Variants in DHRS12 observed in about 807,000 individuals in gnomAD.
DHRS12 encodes dehydrogenase/reductase 12.
DHRS12 carries 29 observed loss-of-function variants against 32.1 expected under a neutral mutation model. That is an observed-to-expected ratio of 0.90 (90% CI 0.67 to 1.23). The LOEUF (loss-of-function observed/expected upper bound fraction) is 1.23. Among genes scored for constraint, DHRS12 ranks in the 50% most tolerant of loss-of-function variants. The probability of loss-of-function intolerance (pLI) is 0.00; values close to 1 mark genes in which losing one functional copy is unlikely to be tolerated. For missense variants in DHRS12, 330 were observed against 337.2 expected (o/e 0.98, Z 0.17); for synonymous variants, 150 against 135.9 (o/e 1.10, Z -0.72).
the DHRS12 span, among the ~76,000 whole-genome samples, chr13:51,756,927 C>T: frequency 6.6e-6 from 1 of 152,202 alleles, no homozygotes; most frequent in Non-Finnish European, 1.5e-5. Context: ...CAGCTGGCTG[C>T]TTGTCAGACC....
rs2139512503 is a variant in DHRS12, at chr13:51,804,036, C to T, written c.-9+18G>A. 2 of 1,467,914 alleles carry T rather than the reference C, an allele frequency of 1.4e-6. No individual in the cohort carries two copies. The highest frequency in any genetic ancestry group is 1.8e-6 in the Non-Finnish European group (2 of 1,115,712). The allele number at this position is 1,467,914 out of a possible 1,614,324, so 90.9% of individuals were successfully genotyped here. A position where few individuals can be genotyped will look rare whatever the true frequency, so the allele number is the denominator to read the frequency against. ...CACGTGACAGCCCGGGGCCCCGCGC[C>T]CCGCCGCGCCGCCTTACTTGGTGTA... On this transcript the variant is annotated intron_variant, in intron 1 of 8. Transcript: ENST00000444610.
intron 2 of DHRS12, among the ~76,000 whole-genome samples, chr13:51,791,755 A>G (rs1487144060): frequency 6.6e-6 from 1 of 152,030 alleles, no homozygotes; most frequent in Non-Finnish European, 1.5e-5. Flanking sequence ...GTAACTCCAC[A>G]TTTCTCCTTT....
chr13:51,759,459 T>G, the DHRS12 span, among the ~76,000 whole-genome samples: 1 of 152,256 alleles, frequency 6.6e-6, no homozygotes, highest in African/African-American at 2.4e-5. Context: ...CAGGAGGATC[T>G]GCAGTGTAGC....
intron 2 of DHRS12, among the ~76,000 whole-genome samples, chr13:51,795,794 TGCCATTGGCCAAACCCA>T (rs1955489309): frequency 1.3e-5 from 2 of 152,296 alleles, no homozygotes; most frequent in South Asian, 4.1e-4. Context: ...CTCTAGTAAC[TGCCATTGGCCAAACCCA>T]GCCAAAAGCT....
In DHRS12 at chr13:51,769,313, G is replaced by A. The variant is rs1399016111; in HGVS notation, c.560-20C>T. On this transcript the variant is annotated intron_variant, in intron 7 of 8. Transcript: ENST00000444610. The stretch of plus-strand genomic sequence containing the variant: ...TCACACCTGGGAGAAGGAAGGGTCA[G>A]GCGGATTAGGACAGCATTCTCCAGC... The A allele has an allele frequency of 6.6e-7, 1 of 1,526,566 alleles. No homozygotes were observed. Among genetic ancestry groups the A allele is most frequent in the East Asian group, 2.4e-5 (1 of 42,246 alleles). 94.6% of individuals were successfully genotyped at this position (1,526,566 alleles called of 1,614,324 possible).
chr13:51,779,079 T>G (rs1368932534), intron 4 of DHRS12, among the ~76,000 whole-genome samples: 1 of 152,130 alleles, frequency 6.6e-6, no homozygotes, highest in African/African-American at 2.4e-5. Flanking sequence ...CACGTAGCCA[T>G]GCTGCATGCC....
chr13:51,792,780 C>T lies in DHRS12; in HGVS notation c.127-1523G>A, dbSNP rs192412462. Among the ~76,000 whole-genome samples the T allele has an allele frequency of 2.6e-5, 4 of 152,248 alleles. 1 individual carries two copies. The highest frequency in any genetic ancestry group is 7.2e-5 in the African/African-American group (3 of 41,562). On this transcript the variant is annotated intron_variant, in intron 2 of 8. Coordinates refer to ENST00000444610, the MANE Select transcript of DHRS12 (RefSeq NM_001377533.1). ...CATTTTCAAATCCGGTTATAAGTTA[C>T]GTCGTTGTTTGTTTGTTTTGCTATT... is the stretch of plus-strand genomic sequence containing the variant.
intron 2 of DHRS12, among the ~76,000 whole-genome samples, chr13:51,797,633 C>G (rs1012920632): frequency 1.3e-5 from 2 of 152,150 alleles, no homozygotes; most frequent in African/African-American, 4.8e-5. Flanking sequence ...AGCCTCAGTG[C>G]CCCCACTTAT....
intron 4 of DHRS12, among the ~76,000 whole-genome samples, chr13:51,787,832 T>C (rs1470908233): frequency 1.6e-5 from 2 of 122,368 alleles, no homozygotes; most frequent in African/African-American, 6.4e-5. Context: ...TTATAAATTA[T>C]ATAAACATAT....
chr13:51,801,272 C>T (rs575638030), intron 1 of DHRS12, among the ~76,000 whole-genome samples: 2 of 152,252 alleles, frequency 1.3e-5, no homozygotes, highest in South Asian at 2.1e-4. Context: ...CTGCAACCTC[C>T]GCCTCCCGGG....
At chr13:51,799,989 T>C (rs1178120217) in intron 1 of DHRS12, among the ~76,000 whole-genome samples, 1 of 152,254 alleles carries the variant, frequency 6.6e-6, no homozygotes, top group Non-Finnish European at 1.5e-5. Context: ...GAATTGCTCT[T>C]TTCCCTTTTG....
the DHRS12 span, chr13:51,758,281 G>T: frequency 6.3e-7 from 1 of 1,593,470 alleles, no homozygotes; most frequent in Non-Finnish European, 8.6e-7. Context: ...CTGACTTCTG[G>T]AACTGACAAG....
chr13:51,797,750 C>T (rs886275080), intron 2 of DHRS12: 5 of 1,415,812 alleles, frequency 3.5e-6, no homozygotes, highest in Admixed American at 2.0e-5. Flanking sequence ...CCAGGGAAAG[C>T]GGGTAGGAGT....
intron 4 of DHRS12, chr13:51,789,582 G>C: frequency 1.0e-6 from 1 of 985,424 alleles, no homozygotes; most frequent in South Asian, 4.7e-5. Flanking sequence ...TGCTATTACA[G>C]AGTAGCAACC....
intron 1 of DHRS12, chr13:51,803,745 C>T: frequency 3.9e-6 from 1 of 258,408 alleles, no homozygotes; most frequent in Non-Finnish European, 7.3e-6. Context: ...CGCCGAGGTG[C>T]CGCCCAAGAG....
chr13:51,771,131 C>T, intron 7 of DHRS12: 1 of 1,504,560 alleles, frequency 6.6e-7, no homozygotes, highest in Middle Eastern at 2.2e-4. Context: ...CAGTAGTGGC[C>T]ACTCCACAGA....
At chr13:51,784,424 C>G (rs537675257) in intron 4 of DHRS12, among the ~76,000 whole-genome samples, 5 of 152,252 alleles carry the variant, frequency 3.3e-5, no homozygotes, top group East Asian at 1.9e-4. Context: ...ACTGCCAGTG[C>G]CAAGTTCCAA....
Position 51,769,209 on chromosome 13 carries a change from C to A in DHRS12, c.644G>T (p.Trp215Leu), listed in dbSNP as rs1397056554. 1 of 1,574,516 alleles carries A rather than the reference C, an allele frequency of 6.4e-7. No homozygotes were observed. The highest frequency in any genetic ancestry group is 1.8e-5 in the Admixed American group (1 of 54,496). ...GGCTGCGGCAGAGGAGAGGGCCAGC[C>A]ACAGCATGGTGTCCGCGCCCTGGGC... ...SEAQGADTML[W>L]LALSSAAAAQ... Residue 215 changes from tryptophan to leucine, a missense_variant, in exon 8 of 9, where the codon TGG becomes TTG. Transcript: ENST00000444610.
At chr13:51,795,435 C>G (rs376398040) in intron 2 of DHRS12, among the ~76,000 whole-genome samples, 1 of 152,188 alleles carries the variant, frequency 6.6e-6, no homozygotes, top group Non-Finnish European at 1.5e-5. Flanking sequence ...GTAGCTACTT[C>G]TATTGATTGA....
Sources: gnomAD v4.1 joint callset for allele counts (sites outside exome capture counted in the v4.1 genomes callset) on GRCh38, gnomAD v4.1.1 for gene constraint, MANE v1.5 for transcripts, NCBI Gene and HGNC (gene_info 2026-07-23, HGNC 2026-07-21) for gene names.